FSHR: variants seen among roughly 807,000 people sequenced by gnomAD.
FSHR encodes follicle stimulating hormone receptor, also known as follicle-stimulating hormone receptor.
FSHR carries 46 observed loss-of-function variants against 52.1 expected under a neutral mutation model. That is an observed-to-expected ratio of 0.88 (90% CI 0.70 to 1.13). The LOEUF (loss-of-function observed/expected upper bound fraction) is 1.13, where lower values mean the gene tolerates loss of function less well. FSHR is among the 50% of genes most tolerant of loss of function. FSHR has a pLI of 0.00. For missense variants in FSHR, 964 were observed against 834.6 expected (o/e 1.16, Z -1.91); for synonymous variants, 399 against 309.6 (o/e 1.29, Z -3.03).
At chr2:49,091,434 G>C (rs926155698) in intron 1 of FSHR, among the ~76,000 whole-genome samples, 1 of 152,030 alleles carries the variant, frequency 6.6e-6, no homozygotes, top group Non-Finnish European at 1.5e-5. Context: ...CTCTTTAGTA[G>C]CTGGGACTAC....
chr2:49,120,321 T>C (rs1400582719), intron 1 of FSHR, among the ~76,000 whole-genome samples: 1 of 152,148 alleles, frequency 6.6e-6, no homozygotes, highest in African/African-American at 2.4e-5. Context: ...ATGCTTTAGG[T>C]ACAGAATTTC....
At chr2:49,023,706 A>C (rs915612580) in intron 2 of FSHR, among the ~76,000 whole-genome samples, 13 of 152,140 alleles carry the variant, frequency 8.5e-5, no homozygotes, top group African/African-American at 2.4e-4. Flanking sequence ...CACCCATAGA[A>C]AATAAAACAG....
intron 2 of FSHR, among the ~76,000 whole-genome samples, chr2:49,041,832 G>C (rs921964586): frequency 6.6e-6 from 1 of 152,102 alleles, no homozygotes; most frequent in African/African-American, 2.4e-5. Flanking sequence ...TGAAGAAATG[G>C]TGCAATGATA....
chr2:49,010,508 G>A (rs926770396), intron 4 of FSHR, among the ~76,000 whole-genome samples: 87 of 152,130 alleles, frequency 5.7e-4, no homozygotes, highest in Non-Finnish European at 1.0e-3. Flanking sequence ...TTGTGTCTCT[G>A]CCCGGCTTTG....
intron 2 of FSHR, among the ~76,000 whole-genome samples, chr2:49,064,295 A>C (rs1205694048): frequency 6.6e-6 from 1 of 151,850 alleles, no homozygotes; most frequent in Admixed American, 6.6e-5. Flanking sequence ...CTCAATCTCC[A>C]CTCCAACATT....
chr2:48,974,464 G>C (rs1012383116), intron 8 of FSHR, among the ~76,000 whole-genome samples: 2 of 152,218 alleles, frequency 1.3e-5, no homozygotes, highest in African/African-American at 4.8e-5. Context: ...TGAGACGAAG[G>C]CATCTTGTCA....
chr2:48,983,111 G>A lies in FSHR; in HGVS notation c.580C>T (p.Gln194Ter). 1 of 1,614,008 alleles carries A rather than the reference G, an allele frequency of 6.2e-7. No homozygotes were observed. Among genetic ancestry groups the A allele is most frequent in the South Asian group, 1.1e-5 (1 of 91,068 alleles). Residue 194 changes from glutamine (Q) to a stop codon, truncating the protein, a stop_gained, in exon 7 of 10, where the codon CAA becomes TAA. Transcript: ENST00000406846. LOFTEE classifies it high-confidence loss of function. ...EIHNCAFNGT[Q>*]LDELNLSDNN... Reference sequence around the variant, plus strand: ...AGGGCTACTTACAGCTCATCTAGTTGGGTTCCATTGAATGCACAGTTGTGT... The same window carrying A: ...AGGGCTACTTACAGCTCATCTAGTTAGGTTCCATTGAATGCACAGTTGTGT...
At chr2:49,068,384 CT>C in intron 1 of FSHR, 94 bp from the exon 2 acceptor site, 1 of 1,039,344 alleles carries the variant, frequency 9.6e-7, no homozygotes, top group Non-Finnish European at 1.5e-6. Context: ...TTACCATATA[CT>C]AAGTGCTTGC....
chr2:49,023,122 T>A (rs1286677525), intron 2 of FSHR, among the ~76,000 whole-genome samples: 1 of 152,166 alleles, frequency 6.6e-6, no homozygotes, highest in African/African-American at 2.4e-5. Flanking sequence ...ATGAAGTAGT[T>A]GGTTTAGAAA....
chr2:48,988,939 C>T (rs367681504), intron 6 of FSHR, 38 bp downstream of exon 6: 41 of 1,551,286 alleles, frequency 2.6e-5, no homozygotes, highest in Non-Finnish European at 3.6e-5. Context: ...AATGAAAAAT[C>T]AAATGTTACT....
intron 4 of FSHR, among the ~76,000 whole-genome samples, chr2:49,003,286 C>T (rs563055643): frequency 6.6e-6 from 1 of 152,264 alleles, no homozygotes; most frequent in East Asian, 1.9e-4. Flanking sequence ...CCCACATTCT[C>T]ATGAAGGGCC....
chr2:49,100,331 G>T (rs1253795954), intron 1 of FSHR, among the ~76,000 whole-genome samples: 2 of 152,080 alleles, frequency 1.3e-5, no homozygotes, highest in African/African-American at 2.4e-5. Flanking sequence ...ATACCCAGAG[G>T]TAGATAATGA....
At chr2:49,082,556 G>A (rs1339558859) in intron 1 of FSHR, among the ~76,000 whole-genome samples, 1 of 152,116 alleles carries the variant, frequency 6.6e-6, no homozygotes, top group African/African-American at 2.4e-5. Context: ...CCGAGATACG[G>A]GAGGACGTTC....
At chr2:49,136,785 A>G (rs1174279191) in intron 1 of FSHR, among the ~76,000 whole-genome samples, 1 of 152,192 alleles carries the variant, frequency 6.6e-6, no homozygotes, top group Non-Finnish European at 1.5e-5. Context: ...GTCTCAATTG[A>G]CACATGTAAA....
At chr2:49,100,737 G>A (rs909408672) in intron 1 of FSHR, among the ~76,000 whole-genome samples, 2 of 152,230 alleles carry the variant, frequency 1.3e-5, no homozygotes, top group African/African-American at 4.8e-5. Context: ...TAAGAAGAAT[G>A]TAGCACTATC....
At chr2:49,045,661 A>G (rs771124997) in intron 2 of FSHR, among the ~76,000 whole-genome samples, 2 of 152,152 alleles carry the variant, frequency 1.3e-5, no homozygotes, top group African/African-American at 4.8e-5. Flanking sequence ...TTATTAATGG[A>G]TACACCTTAT....
intron 1 of FSHR, among the ~76,000 whole-genome samples, chr2:49,122,347 C>T (rs1356393862): frequency 6.6e-6 from 1 of 152,174 alleles, no homozygotes; most frequent in Non-Finnish European, 1.5e-5. Flanking sequence ...ATGGCTCTAG[C>T]CTTCTCTATG....
chr2:49,043,962 C>G (rs1668569266), intron 2 of FSHR, among the ~76,000 whole-genome samples: 1 of 152,216 alleles, frequency 6.6e-6, no homozygotes, highest in Non-Finnish European at 1.5e-5. Context: ...ATAGATCTAA[C>G]TCCCACGTCT....
chr2:49,113,905 C>G (rs924150274), intron 1 of FSHR, among the ~76,000 whole-genome samples: 1 of 152,166 alleles, frequency 6.6e-6, no homozygotes, highest in Non-Finnish European at 1.5e-5. Flanking sequence ...CTGTCATCCT[C>G]AAGAGACTTC....
Sources: allele counts gnomAD v4.1 joint callset (sites outside exome capture counted in the v4.1 genomes callset), GRCh38; gene constraint gnomAD v4.1.1; transcripts MANE v1.5; gene names NCBI Gene and HGNC (gene_info 2026-07-23, HGNC 2026-07-21).